SLC12A4: variants seen among roughly 807,000 people sequenced by gnomAD.
SLC12A4 encodes the protein solute carrier family 12 member 4.
In SLC12A4, 84 loss-of-function variants were observed where a neutral mutation model predicts 119.2. The observed-to-expected ratio is 0.70, with a 90% CI of 0.59 to 0.85. The LOEUF is 0.85. SLC12A4 is among the 40% of genes least tolerant of loss of function. The pLI, the probability that SLC12A4 is intolerant of heterozygous loss-of-function variation, is 0.00. For synonymous variants in SLC12A4, 599 were observed against 604.6 expected, an observed-to-expected ratio of 0.99 and a Z score of 0.14; for missense variants, 1,298 against 1,476.3, an observed-to-expected ratio of 0.88 and a Z score of 1.98.
intron 1 of SLC12A4, chr16:67,966,888 A>G: frequency 6.6e-7 from 1 of 1,503,816 alleles, no homozygotes; most frequent in Non-Finnish European, 8.9e-7. Flanking sequence ...CAGCCAATGT[A>G]GCTCCAGGTC....
chr16:67,955,379 CA>C (rs1056378783), intron 5 of SLC12A4, among the ~76,000 whole-genome samples: 26 of 152,214 alleles, frequency 1.7e-4, no homozygotes, highest in African/African-American at 6.3e-4. Context: ...GCTGCTGAGA[CA>C]ATGTCTCTGG....
chr16:67,966,670 G>C (rs2030880832), intron 1 of SLC12A4: 1 of 1,514,742 alleles, frequency 6.6e-7, no homozygotes, highest in Non-Finnish European at 9.0e-7. Context: ...AACTGGGGAA[G>C]GGGCAGGAGA....
chr16:67,946,563 C>G lies in SLC12A4; in HGVS notation c.2312G>C (p.Arg771Pro). ...CTGGATGAGGTGGGCCAGCCCCTCC[C>G]GCACCTTGCTGGCCACCACCACCTG... The part of the protein sequence containing the change: ...FCQVVVASKV[R>P]EGLAHLIQSC... Residue 771 changes from arginine to proline, a missense_variant, in exon 18 of 24, where the codon CGG becomes CCG. Transcript: ENST00000316341. 6.2e-7 allele frequency: 1 copy of G among 1,612,706 alleles called. No individual in the cohort carries two copies. Among genetic ancestry groups the G allele is most frequent in the Non-Finnish European group, 8.5e-7 (1 of 1,180,014 alleles).
intron 1 of SLC12A4, among the ~76,000 whole-genome samples, chr16:67,966,508 G>C (rs1243412833): frequency 6.6e-6 from 1 of 152,262 alleles, no homozygotes; most frequent in Non-Finnish European, 1.5e-5. Context: ...ACCAGTGGCA[G>C]GTGGGGATCC....
chr16:67,946,148 T>C (rs2151324282), intron 19 of SLC12A4, 23 bp downstream of exon 19: 1 of 1,613,630 alleles, frequency 6.2e-7, no homozygotes, highest in Non-Finnish European at 8.5e-7. Context: ...GCCCCTCTCA[T>C]CTGCACCCAC....
rs771281766 is a variant in SLC12A4 at position 67,949,893 on chromosome 16, C to A, written c.1655G>T (p.Gly552Val). 1.2e-6 allele frequency: 2 copies of A among 1,611,986 alleles called. No individual in the cohort carries two copies. The highest frequency in any genetic ancestry group is 4.5e-5 in the East Asian group (2 of 44,722). Residue 552 changes from glycine (G) to valine (V), a missense_variant, in exon 13 of 24, where the codon GGT becomes GTT. By Grantham distance (109) the Gly-to-Val change is moderately radical. Transcript: ENST00000316341. The surrounding 1 kb of genome is among the most constrained non-coding windows in gnomAD (Gnocchi z 4.6). Reference sequence around the variant, plus strand: ...CAGGAGGAGTGCCCATGTGGGTTCACCATTCACCTTCCCGTGGCCAAACAC... The same window carrying A: ...CAGGAGGAGTGCCCATGTGGGTTCAACATTCACCTTCCCGTGGCCAAACAC... ...LRVFGHGKVNGEPTWALLLTA... is the reference protein window; with the variant it reads ...LRVFGHGKVNVEPTWALLLTA...
In SLC12A4 at chr16:67,944,468, G is replaced by A; in HGVS notation, c.*372C>T. ...GCAGCTGGGCTGGACTCCCTCCCTGGCTACCCTTCCCTTCGTCTCTGATGG... is the reference window on the plus strand; with the variant it reads ...GCAGCTGGGCTGGACTCCCTCCCTGACTACCCTTCCCTTCGTCTCTGATGG... On this transcript the variant is annotated 3_prime_UTR_variant, in exon 24 of 24. Coordinates refer to ENST00000316341, the MANE Select transcript of SLC12A4 (RefSeq NM_005072.5). This position sits in a 1 kb window ranked among gnomAD's most constrained non-coding sequence, Gnocchi z 6.6. The A allele has an allele frequency of 8.0e-7, 1 of 1,253,142 alleles. No individual in the cohort carries two copies. Among genetic ancestry groups the A allele is most frequent in the East Asian group, 3.4e-5 (1 of 29,490 alleles). The allele number at this position is 1,253,142 out of a possible 1,614,324, so 77.6% of individuals were successfully genotyped here.
chr16:67,955,943 G>A lies in SLC12A4; in HGVS notation c.545-1170C>T, dbSNP rs144731758. 5.3e-3 allele frequency among the ~76,000 whole-genome samples: 799 copies of A among 152,166 alleles called. 8 individuals are homozygous for A. Among genetic ancestry groups the A allele is most frequent in the African/African-American group, 0.018 (733 of 41,530 alleles). The stretch of plus-strand genomic sequence containing the variant: ...TGTAATCCCAGCACTTTGGGAGGCT[G>A]AGGCAGGCAGATGACTTGAGGTCAG... On this transcript the variant is annotated intron_variant, in intron 5 of 23. Transcript: ENST00000316341.
At position 67,949,944 on chromosome 16, in the gene SLC12A4, G is replaced by T; in HGVS notation, c.1630-26C>A. ...CTGTGTGCACCAGGAAGGAAGCTGG[G>T]TCCTGTCACCCCCATTCCACACCTT... is the stretch of plus-strand genomic sequence containing the variant. On this transcript the variant is annotated intron_variant, in intron 12 of 23. Transcript: ENST00000316341. The surrounding 1 kb of genome is among the most constrained non-coding windows in gnomAD (Gnocchi z 4.6). 1.3e-6 allele frequency: 2 copies of T among 1,556,480 alleles called. No homozygotes were observed. Among genetic ancestry groups the T allele is most frequent in the South Asian group, 1.1e-5 (1 of 89,742 alleles).
At chr16:67,963,875 A>T in intron 1 of SLC12A4, 2 of 1,532,766 alleles carry the variant, frequency 1.3e-6, no homozygotes, top group Non-Finnish European at 1.8e-6. Context: ...CCAGCGTTTG[A>T]CCCGCCCCCA....
chr16:67,963,406 C>T, intron 2 of SLC12A4, 59 bp downstream of exon 2: 1 of 1,174,972 alleles, frequency 8.5e-7, no homozygotes, highest in Non-Finnish European at 1.2e-6. Flanking sequence ...GTCCAGCCTG[C>T]CTGCTTAGCT....
intron 1 of SLC12A4, among the ~76,000 whole-genome samples, chr16:67,964,491 A>C (rs2030772089): frequency 2.0e-5 from 3 of 148,960 alleles, no homozygotes; most frequent in East Asian, 2.0e-4. Flanking sequence ...CCAGCTTCCC[A>C]CCAAGCAGAA....
intron 3 of SLC12A4, among the ~76,000 whole-genome samples, chr16:67,958,441 C>T (rs1358915650): frequency 6.6e-6 from 1 of 152,146 alleles, no homozygotes; most frequent in African/African-American, 2.4e-5. Context: ...AACTCTAGTC[C>T]CGGTAGACAC....
intron 13 of SLC12A4, among the ~76,000 whole-genome samples, chr16:67,948,701 T>G (rs2058379996): frequency 6.6e-6 from 1 of 152,288 alleles, no homozygotes; most frequent in Non-Finnish European, 1.5e-5. Flanking sequence ...ACACAGGGCA[T>G]GCCAGGGGGC....
At chr16:67,964,936 A>G (rs2030795605) in intron 1 of SLC12A4, among the ~76,000 whole-genome samples, 1 of 152,234 alleles carries the variant, frequency 6.6e-6, no homozygotes, top group Non-Finnish European at 1.5e-5. Context: ...TAACAAATCA[A>G]GTGTGCCCAT....
At chr16:67,964,091 C>T (rs922470686) in intron 1 of SLC12A4, 7 of 1,525,010 alleles carry the variant, frequency 4.6e-6, no homozygotes, top group Non-Finnish European at 6.2e-6. Context: ...TGCAGGGCAG[C>T]CCGGGGCATG....
intron 2 of SLC12A4, chr16:67,962,366 C>G (rs924949939): frequency 6.6e-6 from 1 of 152,318 alleles, no homozygotes; most frequent in African/African-American, 2.4e-5. Flanking sequence ...TCAGGTCCCC[C>G]AGCCCCACCG....
Position 67,946,544 on chromosome 16 carries a change from G to A in SLC12A4, c.2331C>T (p.Leu777=). 6.2e-7 allele frequency: 1 copy of A among 1,611,842 alleles called. No individual in the cohort carries two copies. The highest frequency in any genetic ancestry group is 8.5e-7 in the Non-Finnish European group (1 of 1,180,010). Residue 777 remains leucine (L), a synonymous_variant, in exon 18 of 24, where the codon CTC becomes CTT. Coordinates refer to ENST00000316341, the MANE Select transcript of SLC12A4 (RefSeq NM_005072.5). The part of the protein sequence containing the change: ...ASKVREGLAH[L]IQSCGLGGMR... ...TGCCTCCCAGGCCACAGGACTGGAT[G>A]AGGTGGGCCAGCCCCTCCCGCACCT...
In SLC12A4 at chr16:67,944,684, G is replaced by T. The variant is rs2151322617; in HGVS notation, c.*156C>A. 1 of 1,432,704 alleles carries T rather than the reference G, an allele frequency of 7.0e-7. No homozygotes were observed. The highest frequency in any genetic ancestry group is 2.5e-5 in the East Asian group (1 of 39,728). The allele number at this position is 1,432,704 out of a possible 1,614,324, so 88.7% of individuals were successfully genotyped here. ...GATCCATCTCCATTTTGAGGCCCAG[G>T]CCTGGTTTCCAAGGAGACCTAGCAA... On this transcript the variant is annotated 3_prime_UTR_variant, in exon 24 of 24. Transcript: ENST00000316341. This position sits in a 1 kb window ranked among gnomAD's most constrained non-coding sequence, Gnocchi z 6.6.
Sources: gnomAD v4.1 joint callset for allele counts (sites outside exome capture counted in the v4.1 genomes callset) on GRCh38, gnomAD v4.1.1 for gene constraint, Gnocchi (gnomAD v3.1) non-coding constraint, MANE v1.5 for transcripts, NCBI Gene and HGNC (gene_info 2026-07-23, HGNC 2026-07-21) for gene names.